Variants in PLEKHG1 observed in about 807,000 individuals in gnomAD.
PLEKHG1 encodes pleckstrin homology domain-containing family G member 1.
Under a neutral mutation model 100.8 loss-of-function variants are expected in PLEKHG1, and 44 were observed. The observed-to-expected ratio is 0.44, with a 90% CI of 0.34 to 0.56. The LOEUF (loss-of-function observed/expected upper bound fraction) is 0.56. PLEKHG1 is among the 20% of genes least tolerant of loss of function. PLEKHG1 has a pLI of 0.01. For missense variants in PLEKHG1, 1,545 were observed against 1,720.9 expected (o/e 0.90, Z 1.81); for synonymous variants, 640 against 662.5 (o/e 0.97, Z 0.52).
intron 2 of PLEKHG1, among the ~76,000 whole-genome samples, chr6:150,754,636 T>G (rs1277396992): frequency 4.6e-5 from 7 of 151,336 alleles, no homozygotes. Context: ...GCAAGGGTCT[T>G]GGAAACTTTT....
chr6:150,799,827 A>C (rs1786579818), intron 5 of PLEKHG1, among the ~76,000 whole-genome samples: 2 of 152,220 alleles, frequency 1.3e-5, no homozygotes. Context: ...TCACTGACTT[A>C]GGGAGAAAAG....
chr6:150,774,026 T>G (rs1784830446), intron 3 of PLEKHG1, among the ~76,000 whole-genome samples: 1 of 152,226 alleles, frequency 6.6e-6, no homozygotes, highest in Non-Finnish European at 1.5e-5. Flanking sequence ...CATCTAGCAA[T>G]GCTTTTGATT....
Position 150,696,419 on chromosome 6 carries a change from G to A in PLEKHG1, c.-98-37165G>A, listed in dbSNP as rs9942531. Among the ~76,000 whole-genome samples, 979 of 152,300 alleles carry A rather than the reference G, an allele frequency of 6.4e-3. 8 individuals are homozygous for A. Among genetic ancestry groups the A allele is most frequent in the African/African-American group, 0.022 (933 of 41,556 alleles). ...CTGCAGTTTTCCATTTGAAATTAGA[G>A]GATGACACTTAGACATTTGATCATC... is the stretch of plus-strand genomic sequence containing the variant. On this transcript the variant is annotated intron_variant, in intron 3 of 3. Transcript: ENST00000367326.
intron 3 of PLEKHG1, among the ~76,000 whole-genome samples, chr6:150,706,395 C>G (rs896582596): frequency 6.6e-6 from 1 of 151,846 alleles, no homozygotes; most frequent in African/African-American, 2.4e-5. Context: ...GGGAGGATCA[C>G]TTGAGCCCAG....
At chr6:150,672,819 C>A (rs1779623877) in intron 3 of PLEKHG1, among the ~76,000 whole-genome samples, 1 of 152,196 alleles carries the variant, frequency 6.6e-6, no homozygotes, top group African/African-American at 2.4e-5. Context: ...GCTCTCATTT[C>A]TCTCAGTATT....
chr6:150,647,779 C>T (rs1194549384), intron 2 of PLEKHG1, among the ~76,000 whole-genome samples: 2 of 152,218 alleles, frequency 1.3e-5, no homozygotes, highest in East Asian at 3.9e-4. Flanking sequence ...TAAGGCCAGA[C>T]AATCAAATAT....
rs746265682 is a variant in PLEKHG1, at chr6:150,809,617, TTGTC to T, written c.1192-28_1192-25del. 5.0e-5 allele frequency: 80 copies of T among 1,596,024 alleles called. No homozygotes were observed. The South Asian group carries it at 8.6e-4, about 17-fold the overall frequency. ...GGGTCCTGTGGGTGGTGGAATCAAG[TTGTC>T]TGACTGTCTACATCTCGTCTTGGCA... is the stretch of plus-strand genomic sequence containing the variant. On this transcript the variant is annotated intron_variant, in intron 9 of 15. Transcript: ENST00000358517.
rs1008986805 is a variant in PLEKHG1 at position 150,827,956 on chromosome 6, C to T, written c.1471-2626C>T. On this transcript the variant is annotated intron_variant, in intron 14 of 15. Transcript: ENST00000358517. The stretch of plus-strand genomic sequence containing the variant: ...AAATCTGGAAAAGTTTTGGAGATCT[C>T]AGGGAAGGATTATGTTCAAGAAGTT... 65 of 1,611,560 alleles carry T rather than the reference C, an allele frequency of 4.0e-5. No homozygotes were observed. The African/African-American group carries it at 8.0e-4, about 20-fold the overall frequency.
chr6:150,841,102 A>G (rs537513966), exon 16 of PLEKHG1: 2 of 682,196 alleles, frequency 2.9e-6, no homozygotes, highest in African/African-American at 3.5e-5. Context: ...CATCAACAGT[A>G]TATTTTCTCA....
intron 3 of PLEKHG1, among the ~76,000 whole-genome samples, chr6:150,658,111 G>T (rs1288860021): frequency 6.6e-6 from 1 of 152,032 alleles, no homozygotes; most frequent in Non-Finnish European, 1.5e-5. Context: ...CTTTCTTCCT[G>T]TCTCATCCCA....
chr6:150,657,147 T>C (rs751279367), intron 3 of PLEKHG1, among the ~76,000 whole-genome samples: 1 of 152,128 alleles, frequency 6.6e-6, no homozygotes. Context: ...CAGATCCTGA[T>C]GGACTCCTTA....
chr6:150,795,652 G>A (rs571370848), intron 4 of PLEKHG1, among the ~76,000 whole-genome samples: 4 of 151,568 alleles, frequency 2.6e-5, no homozygotes, highest in Admixed American at 2.6e-4. Context: ...AACCGGGGAG[G>A]CGGAGGTTGC....
rs1258697043 is a variant in PLEKHG1, at chr6:150,600,192, G to GC, written c.-204+176dup. Among the ~76,000 whole-genome samples the GC allele has an allele frequency of 2.6e-5, 4 of 151,332 alleles. No individual in the cohort carries two copies. Among genetic ancestry groups the GC allele is most frequent in the Non-Finnish European group, 5.9e-5 (4 of 67,786 alleles). ...CAGTGGGGACGGAGGGCCTTGGGGGGCGCCGAGCGGTGGGGACAGAGGGCG... is the reference window on the plus strand; with the variant it reads ...CAGTGGGGACGGAGGGCCTTGGGGGGCCGCCGAGCGGTGGGGACAGAGGGCG... On this transcript the variant is annotated intron_variant, in intron 1 of 3. Coordinates refer to the PLEKHG1 transcript ENST00000367326. The surrounding 1 kb of genome is among the most constrained non-coding windows in gnomAD (Gnocchi z 6.2).
chr6:150,748,845 G>A (rs189939493), intron 2 of PLEKHG1, among the ~76,000 whole-genome samples: 2 of 151,804 alleles, frequency 1.3e-5, no homozygotes. Context: ...AAGCTGGTCT[G>A]GAACTCCTGA....
chr6:150,666,516 A>G (rs1296175188), intron 3 of PLEKHG1, among the ~76,000 whole-genome samples: 3 of 152,120 alleles, frequency 2.0e-5, no homozygotes, highest in South Asian at 4.1e-4. Context: ...GCAGGATCAG[A>G]TAACCAATGA....
chr6:150,604,005 A>G (rs887704416), intron 1 of PLEKHG1, among the ~76,000 whole-genome samples: 2 of 152,218 alleles, frequency 1.3e-5, no homozygotes, highest in Non-Finnish European at 2.9e-5. Context: ...TAAGCTTTAA[A>G]TACCAGGGTG....
intron 15 of PLEKHG1, among the ~76,000 whole-genome samples, chr6:150,833,669 G>A (rs141278833): frequency 5.0e-4 from 76 of 152,352 alleles, no homozygotes; most frequent in Non-Finnish European, 8.8e-4. Flanking sequence ...CAGGCACAGA[G>A]AGATTTCTGG....
chr6:150,659,745 T>C (rs1273700824), intron 3 of PLEKHG1, among the ~76,000 whole-genome samples: 1 of 152,234 alleles, frequency 6.6e-6, no homozygotes, highest in African/African-American at 2.4e-5. Context: ...ACAATTCATT[T>C]AGCAATTTTA....
chr6:150,642,918 G>A (rs1201622561), intron 2 of PLEKHG1, among the ~76,000 whole-genome samples: 1 of 151,754 alleles, frequency 6.6e-6, no homozygotes, highest in African/African-American at 2.4e-5. Context: ...AATAGTAGCG[G>A]TACTTAAGTG....
Sources: allele counts gnomAD v4.1 joint callset (sites outside exome capture counted in the v4.1 genomes callset), GRCh38; gene constraint gnomAD v4.1.1; non-coding constraint Gnocchi (gnomAD v3.1); transcripts MANE v1.5; gene names NCBI Gene and HGNC (gene_info 2026-07-23, HGNC 2026-07-21).